The following TTC17 variants were observed in gnomAD, a reference collection of about 807,000 sequenced individuals.
TTC17 encodes tetratricopeptide repeat protein 17.
In TTC17, 58 loss-of-function variants were observed where a neutral mutation model predicts 143.8. That is an observed-to-expected ratio of 0.40 (90% CI 0.33 to 0.50). TTC17 has a LOEUF of 0.50. TTC17 is among the 20% of genes least tolerant of loss of function. The pLI is 0.49. For missense variants in TTC17, 1,273 were observed against 1,392.5 expected, an observed-to-expected ratio of 0.91 and a Z score of 1.37; for synonymous variants, 501 against 497.8, an observed-to-expected ratio of 1.01 and a Z score of -0.09.
intron 3 of TTC17, 21 bp from the exon 4 acceptor site, chr11:43,391,444 A>T: frequency 1.4e-6 from 2 of 1,391,256 alleles, no homozygotes; most frequent in African/African-American, 1.5e-5. Flanking sequence ...TTATTCATTC[A>T]TTGCTTCTTT....
intron 16 of TTC17, among the ~76,000 whole-genome samples, chr11:43,423,284 T>C (rs1946949966): frequency 1.3e-5 from 2 of 152,186 alleles, no homozygotes; most frequent in Non-Finnish European, 2.9e-5. Flanking sequence ...TAGACGTCAA[T>C]GTTGTTAAGA....
chr11:43,378,378 A>C (rs1044108604), intron 1 of TTC17, among the ~76,000 whole-genome samples: 8 of 152,222 alleles, frequency 5.3e-5, no homozygotes, highest in Middle Eastern at 3.4e-3. Flanking sequence ...TCCTTATGTA[A>C]AGCTCTTATA....
At chr11:43,361,484 T>TA (rs1357341132) in intron 1 of TTC17, among the ~76,000 whole-genome samples, 1 of 152,218 alleles carries the variant, frequency 6.6e-6, no homozygotes, top group African/African-American at 2.4e-5. Context: ...TCACAATACT[T>TA]ACATTAGCCA....
At chr11:43,381,694 A>G (rs951549033) in intron 2 of TTC17, among the ~76,000 whole-genome samples, 3 of 152,190 alleles carry the variant, frequency 2.0e-5, no homozygotes, top group African/African-American at 4.8e-5. Flanking sequence ...CGAAACCAAA[A>G]TTGGAAGGTC....
intron 19 of TTC17, 80 bp downstream of exon 19, chr11:43,448,202 C>A: frequency 6.4e-7 from 1 of 1,560,734 alleles, no homozygotes; most frequent in African/African-American, 1.4e-5. Flanking sequence ...CCCCTCTTAG[C>A]AGCTAGTAGA....
chr11:43,480,465 GAGCT>G (rs1312269939), intron 21 of TTC17, among the ~76,000 whole-genome samples: 1 of 152,068 alleles, frequency 6.6e-6, no homozygotes, highest in African/African-American at 2.4e-5. Context: ...GATAAGCAAA[GAGCT>G]AGAAAAATTT....
chr11:43,444,047 G>C lies in TTC17; in HGVS notation c.2512-9G>C. ...TCTCATTTGTCCCTAACATGTTTCT[G>C]TTTCCCAGATTACATTCCAGGTCAA... On this transcript the variant is annotated splice_polypyrimidine_tract_variant and intron_variant, in intron 17 of 23. Transcript: ENST00000039989. The C allele has an allele frequency of 6.3e-7, 1 of 1,593,702 alleles. No homozygotes were observed. The highest frequency in any genetic ancestry group is 8.5e-7 in the Non-Finnish European group (1 of 1,173,638).
At position 43,444,042 on chromosome 11, in the gene TTC17, T is replaced by A. The variant is rs1232601348; in HGVS notation, c.2512-14T>A. The A allele has an allele frequency of 6.3e-7, 1 of 1,592,344 alleles. No individual in the cohort carries two copies. The highest frequency in any genetic ancestry group is 8.5e-7 in the Non-Finnish European group (1 of 1,172,986). On this transcript the variant is annotated splice_polypyrimidine_tract_variant and intron_variant, in intron 17 of 23. Coordinates refer to ENST00000039989, the MANE Select transcript of TTC17 (RefSeq NM_018259.6). Reference sequence around the variant, plus strand: ...ACTGGTCTCATTTGTCCCTAACATGTTTCTGTTTCCCAGATTACATTCCAG... The same window carrying A: ...ACTGGTCTCATTTGTCCCTAACATGATTCTGTTTCCCAGATTACATTCCAG...
intron 1 of TTC17, among the ~76,000 whole-genome samples, chr11:43,376,127 C>T (rs771577646): frequency 6.6e-6 from 1 of 152,144 alleles, no homozygotes; most frequent in Non-Finnish European, 1.5e-5. Context: ...GATTTTGGAG[C>T]ATTTCAGATT....
intron 21 of TTC17, among the ~76,000 whole-genome samples, chr11:43,472,868 CAAAAG>C (rs1183640265): frequency 1.4e-5 from 2 of 141,178 alleles, no homozygotes; most frequent in African/African-American, 2.6e-5. Flanking sequence ...AGATCAGAAA[CAAAAG>C]AAGAGATAGT....
At chr11:43,447,052 G>T (rs190923868) in intron 18 of TTC17, among the ~76,000 whole-genome samples, 1 of 152,226 alleles carries the variant, frequency 6.6e-6, no homozygotes, top group Admixed American at 6.5e-5. Flanking sequence ...AGATGCAGTG[G>T]CTCACATCTG....
intron 11 of TTC17, among the ~76,000 whole-genome samples, chr11:43,405,072 C>G (rs1057361950): frequency 2.8e-4 from 42 of 150,956 alleles, no homozygotes; most frequent in Non-Finnish European, 5.0e-4. Context: ...GTGATGTCAT[C>G]AGTGACCCAT....
chr11:43,391,781 A>G, intron 4 of TTC17, 40 bp from the exon 5 acceptor site: 2 of 1,596,232 alleles, frequency 1.3e-6, no homozygotes, highest in South Asian at 1.1e-5. Context: ...CATCTTTTAT[A>G]TCCTTTGATA....
chr11:43,464,137 G>A (rs1398017478), intron 21 of TTC17, among the ~76,000 whole-genome samples: 7 of 152,112 alleles, frequency 4.6e-5, no homozygotes, highest in Admixed American at 4.6e-4. Flanking sequence ...AAAATTAGCT[G>A]GGCGTGGTGG....
chr11:43,387,327 C>G (rs1471950379), intron 2 of TTC17, among the ~76,000 whole-genome samples: 1 of 152,150 alleles, frequency 6.6e-6, no homozygotes, highest in Non-Finnish European at 1.5e-5. Context: ...GGAAGAACAA[C>G]CAAATAATAT....
intron 16 of TTC17, among the ~76,000 whole-genome samples, chr11:43,423,134 T>C (rs751691497): frequency 6.6e-6 from 1 of 152,196 alleles, no homozygotes; most frequent in Non-Finnish European, 1.5e-5. Context: ...TGGTTGCTTC[T>C]CAGCAACATA....
At chr11:43,385,085 G>A (rs888053274) in intron 2 of TTC17, among the ~76,000 whole-genome samples, 5 of 152,124 alleles carry the variant, frequency 3.3e-5, no homozygotes, top group African/African-American at 4.8e-5. Flanking sequence ...AGAATTACAT[G>A]AAAAGTCAAC....
intron 18 of TTC17, 126 bp from the exon 19 acceptor site, chr11:43,447,876 A>T: frequency 1.7e-6 from 2 of 1,178,780 alleles, no homozygotes; most frequent in Non-Finnish European, 2.4e-6. Flanking sequence ...GGGAAATGTT[A>T]AAGACTACAG....
chr11:43,423,124 T>C (rs1329165177), intron 16 of TTC17, among the ~76,000 whole-genome samples: 1 of 152,202 alleles, frequency 6.6e-6, no homozygotes, highest in Admixed American at 6.5e-5. Flanking sequence ...GTGGGACTTC[T>C]GGTTGCTTCT....
Sources: allele counts gnomAD v4.1 joint callset (sites outside exome capture counted in the v4.1 genomes callset), GRCh38; gene constraint gnomAD v4.1.1; transcripts MANE v1.5; gene names NCBI Gene and HGNC (gene_info 2026-07-23, HGNC 2026-07-21).